Variants in CYYR1 observed in about 807,000 individuals in gnomAD.
CYYR1 encodes cysteine and tyrosine rich 1.
CYYR1 carries 14 observed loss-of-function variants against 15.2 expected under a neutral mutation model. That is an observed-to-expected ratio of 0.92 (90% CI 0.61 to 1.44). CYYR1 has a LOEUF of 1.44. CYYR1 is among the 40% of genes most tolerant of loss of function. CYYR1 has a pLI of 0.00. For synonymous variants in CYYR1, 80 were observed against 77.4 expected (o/e 1.03, Z -0.18); for missense variants, 228 against 209.5 (o/e 1.09, Z -0.54).
intron 2 of CYYR1, among the ~76,000 whole-genome samples, chr21:26,548,730 GATTTTCTACCCTA>G (rs1480322455): frequency 3.3e-5 from 5 of 152,148 alleles, no homozygotes; most frequent in Non-Finnish European, 5.9e-5. Flanking sequence ...TAATAATGTA[GATTTTCTACCCTA>G]ATTTTCTACC....
intron 2 of CYYR1, among the ~76,000 whole-genome samples, chr21:26,555,469 G>A (rs1459751902): frequency 6.6e-6 from 1 of 152,140 alleles, no homozygotes; most frequent in African/African-American, 2.4e-5. Context: ...TTGACAGTGT[G>A]AGTTGATACA....
intron 2 of CYYR1, among the ~76,000 whole-genome samples, chr21:26,541,234 A>C (rs1460298809): frequency 2.6e-5 from 4 of 152,166 alleles, no homozygotes; most frequent in Non-Finnish European, 5.9e-5. Context: ...AATGTTTAAA[A>C]ATTTCCCCCA....
At chr21:26,557,896 T>C (rs1979910593) in intron 2 of CYYR1, among the ~76,000 whole-genome samples, 1 of 152,180 alleles carries the variant, frequency 6.6e-6, no homozygotes, top group South Asian at 2.1e-4. Flanking sequence ...ATATTCCCCA[T>C]TAGTTCTCAG....
intron 2 of CYYR1, among the ~76,000 whole-genome samples, chr21:26,522,542 T>A (rs1356392217): frequency 6.6e-6 from 1 of 152,226 alleles, no homozygotes; most frequent in Non-Finnish European, 1.5e-5. Context: ...TGCTTTCACA[T>A]CTTACATTTC....
At chr21:26,486,086 G>A (rs912524166) in intron 2 of CYYR1, among the ~76,000 whole-genome samples, 5 of 152,040 alleles carry the variant, frequency 3.3e-5, no homozygotes, top group African/African-American at 1.2e-4. Flanking sequence ...ATCTTCTTCA[G>A]TGAAATGTCC....
intron 3 of CYYR1, among the ~76,000 whole-genome samples, chr21:26,478,481 G>A (rs1704257812): frequency 6.6e-6 from 1 of 152,040 alleles, no homozygotes; most frequent in South Asian, 2.1e-4. Context: ...AGGAGGCCTG[G>A]GAAATAAAAA....
At position 26,480,382 on chromosome 21, in the gene CYYR1, C is replaced by A. The variant is rs755654470; in HGVS notation, c.224G>T (p.Gly75Val). The A allele has an allele frequency of 5.0e-6, 8 of 1,613,262 alleles. No individual in the cohort carries two copies. The highest frequency in any genetic ancestry group is 1.7e-5 in the Admixed American group (1 of 59,922). The change falls in exon 3 of 4, where the codon GGG becomes GTG. Residue 75 changes from glycine to valine, a missense_variant. Physicochemically the swap from Gly to Val is moderately radical, Grantham distance 109. Coordinates refer to ENST00000652641, the MANE Select transcript of CYYR1 (RefSeq NM_001320768.2). The stretch of plus-strand genomic sequence containing the variant: ...GCATATGGCAATCCCAGCAATGACC[C>A]CCATGATAAATACTATTCCAAAAAC... ...GIVFGIVFIM[G>V]VIAGIAICIC...
chr21:26,488,253 C>T (rs2065278645), intron 2 of CYYR1, among the ~76,000 whole-genome samples: 1 of 141,814 alleles, frequency 7.1e-6, no homozygotes, highest in African/African-American at 3.1e-5. Context: ...TCCTTCCTTC[C>T]TTCCTTCCTT....
rs71183558 is a variant in CYYR1 at position 26,520,113 on chromosome 21, GATATAT to G, written c.177-39690_177-39685del. Among the ~76,000 whole-genome samples, 1,087 of 120,698 alleles carry G rather than the reference GATATAT, an allele frequency of 9.0e-3. 34 individuals carry two copies. Among genetic ancestry groups the G allele is most frequent in the African/African-American group, 0.029 (856 of 29,528 alleles). The allele number at this position is 120,698 out of a possible 152,430, so 79.2% of individuals were successfully genotyped here. A position where few individuals can be genotyped will look rare whatever the true frequency, so the allele number is the denominator to read the frequency against. ...TCTTCTTCTAAAAAAAAACCCAGGA[GATATAT>G]ATATATATATATATATATATATGCA... On this transcript the variant is annotated intron_variant, in intron 2 of 3. Coordinates refer to ENST00000652641, the MANE Select transcript of CYYR1 (RefSeq NM_001320768.2).
chr21:26,507,427 A>T (rs1213242646), intron 2 of CYYR1, among the ~76,000 whole-genome samples: 2 of 152,202 alleles, frequency 1.3e-5, no homozygotes, highest in Non-Finnish European at 2.9e-5. Context: ...TTATTCTATT[A>T]TTAATTTTAG....
chr21:26,546,654 C>G (rs1267686152), intron 2 of CYYR1, among the ~76,000 whole-genome samples: 2 of 152,138 alleles, frequency 1.3e-5, no homozygotes, highest in Admixed American at 6.5e-5. Flanking sequence ...AGAAAGAGGT[C>G]ATAGTCTTGA....
At chr21:26,499,402 A>C (rs1171490619) in intron 2 of CYYR1, among the ~76,000 whole-genome samples, 1 of 152,222 alleles carries the variant, frequency 6.6e-6, no homozygotes, top group Non-Finnish European at 1.5e-5. Context: ...TTTTTCCTCT[A>C]GGGATTCCAG....
chr21:26,542,037 C>A (rs1020208633), intron 2 of CYYR1, among the ~76,000 whole-genome samples: 1 of 152,074 alleles, frequency 6.6e-6, no homozygotes, highest in African/African-American at 2.4e-5. Context: ...AATCCCACCA[C>A]ATCAGTAGGA....
At chr21:26,542,775 T>C (rs1978665340) in intron 2 of CYYR1, among the ~76,000 whole-genome samples, 1 of 152,196 alleles carries the variant, frequency 6.6e-6, no homozygotes, top group African/African-American at 2.4e-5. Context: ...AATTTAGCAA[T>C]GTTGTTTTAT....
chr21:26,505,944 C>A lies in CYYR1; in HGVS notation c.177-25515G>T, dbSNP rs1290681173. 2.0e-5 allele frequency among the ~76,000 whole-genome samples: 3 copies of A among 152,280 alleles called. No individual in the cohort carries two copies. The East Asian group carries it at 5.8e-4, about 29-fold the overall frequency. On this transcript the variant is annotated intron_variant, in intron 2 of 3. Coordinates refer to ENST00000652641, the MANE Select transcript of CYYR1 (RefSeq NM_001320768.2). The stretch of plus-strand genomic sequence containing the variant: ...TTGACCCTTTCTCTGCTTTGTTAAT[C>A]CTTTATTGAGATATAATTCACAGCA...
At chr21:26,566,450 T>G (rs879074605) in intron 1 of CYYR1, 82 bp from the exon 2 acceptor site, 78 of 1,063,072 alleles carry the variant, frequency 7.3e-5, no homozygotes, top group Non-Finnish European at 6.8e-5. Context: ...CACAACTTAA[T>G]CAGCCAATGA....
chr21:26,549,837 GA>G (rs1979254111), intron 2 of CYYR1, among the ~76,000 whole-genome samples: 1 of 152,036 alleles, frequency 6.6e-6, no homozygotes, highest in Non-Finnish European at 1.5e-5. Flanking sequence ...AAAAGAATAA[GA>G]AAAAATGCAA....
intron 3 of CYYR1, among the ~76,000 whole-genome samples, chr21:26,479,506 C>T (rs1302668887): frequency 2.0e-5 from 3 of 152,068 alleles, no homozygotes; most frequent in African/African-American, 7.2e-5. Flanking sequence ...TGTACATGCA[C>T]AGATTGACTT....
At chr21:26,545,518 G>A (rs935698568) in intron 2 of CYYR1, among the ~76,000 whole-genome samples, 2 of 151,216 alleles carry the variant, frequency 1.3e-5, no homozygotes, top group Admixed American at 6.6e-5. Flanking sequence ...ACAGGCTTAC[G>A]GTTGGACTGT....
Sources: allele counts gnomAD v4.1 joint callset (sites outside exome capture counted in the v4.1 genomes callset), GRCh38; gene constraint gnomAD v4.1.1; transcripts MANE v1.5; gene names NCBI Gene and HGNC (gene_info 2026-07-23, HGNC 2026-07-21).